Variants in TMTC2 observed in about 807,000 individuals in gnomAD.
TMTC2 encodes the protein transmembrane O-mannosyltransferase targeting cadherins 2, also known as protein O-mannosyl-transferase TMTC2.
TMTC2 carries 43 observed loss-of-function variants against 82.4 expected under a neutral mutation model. That is an observed-to-expected ratio of 0.52 (90% CI 0.41 to 0.67). The LOEUF is 0.67. Among genes scored for constraint, TMTC2 ranks in the 30% least tolerant of loss-of-function variants. TMTC2 has a pLI of 0.00. For synonymous variants in TMTC2, 408 were observed against 381.9 expected (o/e 1.07, Z -0.80); for missense variants, 919 against 1,012.4 (o/e 0.91, Z 1.25).
At chr12:82,743,430 G>C (rs1201408208) in intron 1 of TMTC2, among the ~76,000 whole-genome samples, 3 of 147,574 alleles carry the variant, frequency 2.0e-5, no homozygotes, top group Non-Finnish European at 4.5e-5. Flanking sequence ...CTGGGCTACA[G>C]AGCGAGACTC....
chr12:82,699,146 A>G (rs953894661), intron 1 of TMTC2, among the ~76,000 whole-genome samples: 1 of 152,110 alleles, frequency 6.6e-6, no homozygotes, highest in Non-Finnish European at 1.5e-5. Context: ...TTTCACTTGG[A>G]GTCTGTGGTT....
intron 7 of TMTC2, among the ~76,000 whole-genome samples, chr12:82,976,137 T>G (rs1395398643): frequency 9.2e-5 from 14 of 152,242 alleles, no homozygotes; most frequent in Non-Finnish European, 1.6e-4. Flanking sequence ...TTCTGAGCAT[T>G]TAATAGAATT....
intron 11 of TMTC2, among the ~76,000 whole-genome samples, chr12:83,120,318 C>T (rs1565895686): frequency 2.0e-5 from 3 of 152,140 alleles, no homozygotes; most frequent in South Asian, 2.1e-4. Context: ...TTTAGATCTC[C>T]GTTTAGCAGT....
intron 1 of TMTC2, among the ~76,000 whole-genome samples, chr12:82,716,083 A>T (rs1213227308): frequency 6.6e-6 from 1 of 152,132 alleles, no homozygotes; most frequent in East Asian, 1.9e-4. Context: ...TGGTGTCTAA[A>T]TTGTTTCTTC....
intron 4 of TMTC2, among the ~76,000 whole-genome samples, chr12:82,964,216 C>A (rs147638015): frequency 5.3e-5 from 8 of 151,786 alleles, no homozygotes; most frequent in Non-Finnish European, 1.2e-4. Flanking sequence ...GCCCTCTGTG[C>A]GAGCTTTTTG....
chr12:82,700,980 T>C (rs113456640), intron 1 of TMTC2, among the ~76,000 whole-genome samples: 1 of 152,044 alleles, frequency 6.6e-6, no homozygotes, highest in Non-Finnish European at 1.5e-5. Flanking sequence ...CCATCAGATC[T>C]CGTGAGACTT....
chr12:82,839,412 A>G (rs976382622), intron 1 of TMTC2, among the ~76,000 whole-genome samples: 50 of 152,278 alleles, frequency 3.3e-4, no homozygotes, highest in African/African-American at 1.2e-3. Flanking sequence ...AGACTCTTCT[A>G]GGTTGTATTT....
intron 4 of TMTC2, among the ~76,000 whole-genome samples, chr12:82,937,746 GTGTGTATATA>G (rs1876414167): frequency 1.7e-5 from 1 of 60,334 alleles, no homozygotes; most frequent in Non-Finnish European, 3.3e-5. Context: ...GTGTGTGTGT[GTGTGTATATA>G]TATATATATA....
chr12:82,895,734 A>G, intron 2 of TMTC2, 84 bp from the exon 3 acceptor site: 6 of 1,255,304 alleles, frequency 4.8e-6, no homozygotes, highest in Non-Finnish European at 5.5e-6. Context: ...TCCATTTAAA[A>G]ATGTATTTTA....
At chr12:82,798,319 C>G (rs944091805) in intron 1 of TMTC2, among the ~76,000 whole-genome samples, 2 of 149,712 alleles carry the variant, frequency 1.3e-5, no homozygotes, top group African/African-American at 4.9e-5. Flanking sequence ...CGCCTGTAAT[C>G]CCAGCACTTT....
At chr12:82,720,541 G>A (rs887349759) in intron 1 of TMTC2, among the ~76,000 whole-genome samples, 7 of 152,096 alleles carry the variant, frequency 4.6e-5, no homozygotes, top group Non-Finnish European at 1.0e-4. Context: ...GTACTGCCTT[G>A]AACAATATTT....
chr12:82,930,369 A>G, intron 3 of TMTC2, 62 bp from the exon 4 acceptor site: 2 of 908,558 alleles, frequency 2.2e-6, no homozygotes, highest in Non-Finnish European at 1.7e-6. Context: ...TGATGGCCTG[A>G]TATTATGTCA....
At chr12:82,700,156 GGT>G (rs1873001277) in intron 1 of TMTC2, among the ~76,000 whole-genome samples, 1 of 151,980 alleles carries the variant, frequency 6.6e-6, no homozygotes, top group South Asian at 2.1e-4. Context: ...ACGTGCTAAT[GGT>G]GTTATTTTGA....
At chr12:82,987,218 G>C (rs1879188305) in intron 8 of TMTC2, among the ~76,000 whole-genome samples, 1 of 151,980 alleles carries the variant, frequency 6.6e-6, no homozygotes, top group Non-Finnish European at 1.5e-5. Context: ...GAGGTCAGGA[G>C]TTCAAGACCA....
At chr12:82,786,115 C>T (rs1009677952) in intron 1 of TMTC2, among the ~76,000 whole-genome samples, 2 of 152,000 alleles carry the variant, frequency 1.3e-5, no homozygotes, top group African/African-American at 4.8e-5. Flanking sequence ...TCTTGATCTC[C>T]CTGTGTTCTA....
At chr12:82,704,327 A>G (rs1873237908) in intron 1 of TMTC2, among the ~76,000 whole-genome samples, 1 of 152,238 alleles carries the variant, frequency 6.6e-6, no homozygotes, top group Non-Finnish European at 1.5e-5. Context: ...TTGGACAGAA[A>G]TATTATTTAC....
At chr12:82,836,753 A>T (rs2137083600) in intron 1 of TMTC2, among the ~76,000 whole-genome samples, 1 of 152,322 alleles carries the variant, frequency 6.6e-6, no homozygotes, top group East Asian at 1.9e-4. Context: ...TGGGGATTGT[A>T]ATTTAGCCCC....
chr12:82,841,397 A>G (rs1210334592), intron 1 of TMTC2, among the ~76,000 whole-genome samples: 21 of 152,210 alleles, frequency 1.4e-4, no homozygotes, highest in African/African-American at 4.8e-5. Context: ...CTTGGATGAA[A>G]TATCTCTTGC....
chr12:82,714,474 T>A (rs1163382780), intron 1 of TMTC2, among the ~76,000 whole-genome samples: 4 of 152,216 alleles, frequency 2.6e-5, no homozygotes, highest in African/African-American at 4.8e-5. Flanking sequence ...TCCTTTTTTT[T>A]ATTTTCCTTT....
Sources: gnomAD v4.1 joint callset for allele counts (sites outside exome capture counted in the v4.1 genomes callset) on GRCh38, gnomAD v4.1.1 for gene constraint, MANE v1.5 for transcripts, NCBI Gene and HGNC (gene_info 2026-07-23, HGNC 2026-07-21) for gene names.